The following TTC27 variants were observed in gnomAD, a reference collection of about 807,000 sequenced individuals.
TTC27 encodes tetratricopeptide repeat protein 27.
Under a neutral mutation model 115.9 loss-of-function variants are expected in TTC27, and 79 were observed. That is an observed-to-expected ratio of 0.68 (90% confidence interval 0.57 to 0.82). The LOEUF (loss-of-function observed/expected upper bound fraction) is 0.82. Among genes scored for constraint, TTC27 ranks in the 40% least tolerant of loss-of-function variants. The probability of loss-of-function intolerance (pLI) is 0.00; values close to 1 mark genes in which losing one functional copy is unlikely to be tolerated. For synonymous variants in TTC27, 401 were observed against 356.0 expected, an observed-to-expected ratio of 1.13 and a Z score of -1.42; for missense variants, 1,054 against 993.1, an observed-to-expected ratio of 1.06 and a Z score of -0.82.
intron 17 of TTC27, 59 bp downstream of exon 17, chr2:32,811,280 T>C: frequency 6.7e-7 from 1 of 1,493,008 alleles, no homozygotes; most frequent in African/African-American, 1.4e-5. Flanking sequence ...GTAGTAGATC[T>C]ACTTTTTTGA....
At chr2:32,674,196 G>T (rs1357636308) in intron 8 of TTC27, among the ~76,000 whole-genome samples, 2 of 151,240 alleles carry the variant, frequency 1.3e-5, no homozygotes, top group Non-Finnish European at 2.9e-5. Flanking sequence ...TGTCGCCCAG[G>T]CTGGAGTGCA....
rs148447347 is a variant in TTC27, at chr2:32,658,597, T to A, written c.641-5706T>A. ...GTCATCAGCCTTTGTGTTCCATTCA[T>A]TCATTATGTATTCATTCTGGTAGGC... On this transcript the variant is annotated intron_variant, in intron 5 of 19. Coordinates refer to ENST00000317907, the MANE Select transcript of TTC27 (RefSeq NM_017735.5). Among the ~76,000 whole-genome samples, 11 of 152,350 alleles carry A rather than the reference T, an allele frequency of 7.2e-5. No homozygotes were observed. In the East Asian group the frequency reaches 2.1e-3, roughly 29 times the overall value.
At chr2:32,664,916 TTGGCC>T (rs1472586216) in intron 6 of TTC27, among the ~76,000 whole-genome samples, 5 of 151,908 alleles carry the variant, frequency 3.3e-5, no homozygotes, top group African/African-American at 1.2e-4. Context: ...CACTGCAACC[TTGGCC>T]TCCTGGGTTC....
intron 8 of TTC27, among the ~76,000 whole-genome samples, chr2:32,676,900 T>C: frequency 6.6e-6 from 1 of 151,738 alleles, no homozygotes; most frequent in East Asian, 1.9e-4. Flanking sequence ...TATCCACTTA[T>C]ATATATTCCA....
intron 5 of TTC27, among the ~76,000 whole-genome samples, chr2:32,658,448 A>G (rs1665416258): frequency 6.6e-6 from 1 of 152,218 alleles, no homozygotes; most frequent in South Asian, 2.1e-4. Context: ...AAGTGGAGAT[A>G]ATGTCAGCCT....
Position 32,678,933 on chromosome 2 carries a change from T to G in TTC27, c.1119+11T>G. The G allele has an allele frequency of 6.2e-7, 1 of 1,609,508 alleles. No homozygotes were observed. Among genetic ancestry groups the G allele is most frequent in the Non-Finnish European group, 8.5e-7 (1 of 1,176,246 alleles). On this transcript the variant is annotated intron_variant, in intron 9 of 19. Coordinates refer to ENST00000317907, the MANE Select transcript of TTC27 (RefSeq NM_017735.5). Reference sequence around the variant, plus strand: ...CTGGCATTTACATCAGTGAGTAATGTCTTTTTCTCTTCCATTTCATTTTTT... The same window carrying G: ...CTGGCATTTACATCAGTGAGTAATGGCTTTTTCTCTTCCATTTCATTTTTT...
In TTC27 at chr2:32,630,661, C is replaced by G; in HGVS notation, c.227C>G (p.Thr76Arg). Residue 76 changes from threonine to arginine, a missense_variant, in exon 2 of 20, where the codon ACA (threonine) becomes AGA (arginine). Coordinates refer to ENST00000317907, the MANE Select transcript of TTC27 (RefSeq NM_017735.5). ...IDSYLEKQVV[T>R]FLDYSTDLDT... is the part of the protein sequence containing the mutation. ...AGCTACCTGGAGAAGCAGGTAGTAA[C>G]ATTCCTGGATTACTCAACAGATTTG... is the stretch of plus-strand genomic sequence containing the variant. The G allele has an allele frequency of 1.9e-6, 3 of 1,613,148 alleles. No homozygotes were observed. The highest frequency in any genetic ancestry group is 2.5e-6 in the Non-Finnish European group (3 of 1,179,742).
intron 15 of TTC27, among the ~76,000 whole-genome samples, chr2:32,783,661 G>T (rs899585517): frequency 6.6e-6 from 1 of 152,232 alleles, no homozygotes; most frequent in African/African-American, 2.4e-5. Flanking sequence ...TGGGAAACCA[G>T]TTAGGACACA....
intron 10 of TTC27, among the ~76,000 whole-genome samples, chr2:32,703,421 C>G (rs571140636): frequency 2.6e-5 from 4 of 152,272 alleles, no homozygotes; most frequent in Admixed American, 2.0e-4. Flanking sequence ...GAGCCGAGAT[C>G]GTGCCATTGC....
In TTC27 at chr2:32,702,908, G is replaced by C; in HGVS notation, c.1221G>C (p.Met407Ile). ...KGSTRRVERA[M>I]RQTQALADQF... Reference sequence around the variant, plus strand: ...GTACTCGCCGAGTGGAACGGGCAATGAGGCAGACACAGGTAAGAATTAATG... The same window carrying C: ...GTACTCGCCGAGTGGAACGGGCAATCAGGCAGACACAGGTAAGAATTAATG... The change falls in exon 10 of 20, where the codon ATG becomes ATC. Residue 407 changes from methionine to isoleucine, a missense_variant. Coordinates refer to ENST00000317907, the MANE Select transcript of TTC27 (RefSeq NM_017735.5). 6.2e-7 allele frequency: 1 copy of C among 1,613,708 alleles called. No individual in the cohort carries two copies. The highest frequency in any genetic ancestry group is 8.5e-7 in the Non-Finnish European group (1 of 1,179,642).
In TTC27 at chr2:32,640,428, G is replaced by A; in HGVS notation, c.537+18G>A. ...CTATTCAGGTAAGGAAAGGATCCAT[G>A]AGATTCATACCCTGGTATGACTTTT... is the stretch of plus-strand genomic sequence containing the variant. On this transcript the variant is annotated intron_variant, in intron 4 of 19. Coordinates refer to ENST00000317907, the MANE Select transcript of TTC27 (RefSeq NM_017735.5). 1 of 1,611,594 alleles carries A rather than the reference G, an allele frequency of 6.2e-7. No individual in the cohort carries two copies. The highest frequency in any genetic ancestry group is 8.5e-7 in the Non-Finnish European group (1 of 1,179,368).
intron 16 of TTC27, among the ~76,000 whole-genome samples, chr2:32,790,932 G>A (rs895356963): frequency 6.6e-6 from 1 of 152,132 alleles, no homozygotes; most frequent in Non-Finnish European, 1.5e-5. Context: ...TTACCTATTA[G>A]AATATCTCTT....
At chr2:32,765,717 GT>G (rs1669604861) in intron 13 of TTC27, among the ~76,000 whole-genome samples, 1 of 152,198 alleles carries the variant, frequency 6.6e-6, no homozygotes, top group South Asian at 2.1e-4. Flanking sequence ...AATGGTCTTA[GT>G]CAGATCTTCT....
rs368343797 is a variant in TTC27, at chr2:32,660,476, T to C, written c.641-3827T>C. Among the ~76,000 whole-genome samples the C allele has an allele frequency of 5.9e-5, 9 of 152,134 alleles. No homozygotes were observed. In the East Asian group the frequency reaches 1.5e-3, roughly 26 times the overall value. On this transcript the variant is annotated intron_variant, in intron 5 of 19. Coordinates refer to ENST00000317907, the MANE Select transcript of TTC27 (RefSeq NM_017735.5). ...CATGGATGAAGCTGGAAACCATCAT[T>C]CTCAGCAAACTAACACAGGAACAGA...
intron 12 of TTC27, among the ~76,000 whole-genome samples, chr2:32,747,816 G>GT (rs1475084671): frequency 6.6e-6 from 1 of 152,152 alleles, no homozygotes; most frequent in Non-Finnish European, 1.5e-5. Context: ...TACCTGGGGA[G>GT]TATAGTATTT....
chr2:32,692,832 C>T (rs570032149), intron 9 of TTC27, among the ~76,000 whole-genome samples: 1 of 152,050 alleles, frequency 6.6e-6, no homozygotes, highest in African/African-American at 2.4e-5. Context: ...AAAAGTTAGC[C>T]AGGCGTCGTG....
chr2:32,638,990 G>A (rs969195583), intron 3 of TTC27, among the ~76,000 whole-genome samples: 1 of 151,894 alleles, frequency 6.6e-6, no homozygotes. Flanking sequence ...CCACCACCAC[G>A]CCCGGCTAAT....
At chr2:32,762,800 C>T (rs183555528) in intron 13 of TTC27, among the ~76,000 whole-genome samples, 3 of 152,268 alleles carry the variant, frequency 2.0e-5, no homozygotes, top group Non-Finnish European at 4.4e-5. Context: ...TGCCACCATG[C>T]CCAGCTAATT....
chr2:32,758,427 C>G lies in TTC27; in HGVS notation c.1588C>G (p.Gln530Glu). 2 of 1,614,192 alleles carry G rather than the reference C, an allele frequency of 1.2e-6. No individual in the cohort carries two copies. Among genetic ancestry groups the G allele is most frequent in the Non-Finnish European group, 1.7e-6 (2 of 1,180,030 alleles). ...GTCCCGGTACCGCAGTGCTCGTGCT[C>G]AGCGCTCCAAAGCCCTCCTTCATCT... ...ELSRYRSARA[Q>E]RSKALLHLRN... Residue 530 changes from glutamine to glutamate, a missense_variant, in exon 13 of 20, where the codon CAG becomes GAG. Coordinates refer to ENST00000317907, the MANE Select transcript of TTC27 (RefSeq NM_017735.5).
Sources: allele counts gnomAD v4.1 joint callset (sites outside exome capture counted in the v4.1 genomes callset), GRCh38; gene constraint gnomAD v4.1.1; transcripts MANE v1.5; gene names NCBI Gene and HGNC (gene_info 2026-07-23, HGNC 2026-07-21).